The following TTI1 variants were observed in gnomAD, a reference collection of about 807,000 sequenced individuals.
The protein encoded by TTI1 is TELO2-interacting protein 1 homolog.
A neutral mutation model predicts 85.4 loss-of-function variants in TTI1; 52 were observed. The ratio of observed to expected loss-of-function variants is 0.61; its 90% CI spans 0.49 to 0.77. The LOEUF (loss-of-function observed/expected upper bound fraction) is 0.77, where lower values mean the gene tolerates loss of function less well. Ranked by LOEUF, TTI1 falls within the 30% of genes least tolerant of loss-of-function variation. The probability of loss-of-function intolerance (pLI) is 0.00; values close to 1 mark genes in which losing one functional copy is unlikely to be tolerated. For synonymous variants in TTI1, 512 were observed against 503.9 expected, an observed-to-expected ratio of 1.02 and a Z score of -0.22; for missense variants, 1,173 against 1,296.0, an observed-to-expected ratio of 0.91 and a Z score of 1.46.
chr20:38,022,537 C>G (rs968746972), intron 1 of TTI1, among the ~76,000 whole-genome samples: 3 of 152,134 alleles, frequency 2.0e-5, no homozygotes, highest in African/African-American at 7.2e-5. Flanking sequence ...CTGGTTCTGT[C>G]ATTTGTAGAG....
Position 38,013,181 on chromosome 20 carries a change from TC to T in TTI1, c.635del (p.Gly212GlufsTer6). On this transcript the variant is annotated frameshift_variant, in exon 2 of 8. Transcript: ENST00000373447. LOFTEE classifies it high-confidence loss of function. ...LGDLFASFLP[G>X]ISTALTRLIT... Reference sequence around the variant, plus strand: ...TAAGCCTGGTCAGTGCAGTTGAGATTCCAGGTAAAAAAGAGGCAAACAAATC... The same window carrying T: ...TAAGCCTGGTCAGTGCAGTTGAGATTCAGGTAAAAAAGAGGCAAACAAATC... 6.2e-7 allele frequency: 1 copy of T among 1,614,170 alleles called. No individual in the cohort carries two copies. Among genetic ancestry groups the T allele is most frequent in the Non-Finnish European group, 8.5e-7 (1 of 1,180,040 alleles).
intron 1 of TTI1, among the ~76,000 whole-genome samples, chr20:38,031,747 A>C (rs546303583): frequency 6.6e-6 from 1 of 152,356 alleles, no homozygotes; most frequent in African/African-American, 2.4e-5. Context: ...ATTTGGGATC[A>C]GACATAAGAT....
chr20:38,011,404 A>T, intron 2 of TTI1, 111 bp downstream of exon 2: 1 of 1,239,194 alleles, frequency 8.1e-7, no homozygotes, highest in Non-Finnish European at 1.1e-6. Context: ...GAAAATGATT[A>T]AAACGTCCTC....
chr20:37,985,134 C>A (rs765999528), intron 7 of TTI1, among the ~76,000 whole-genome samples: 3 of 152,192 alleles, frequency 2.0e-5, no homozygotes, highest in Non-Finnish European at 2.9e-5. Flanking sequence ...TTCAGCTTGC[C>A]CTGTTTCAGT....
chr20:38,026,878 G>C (rs567529049), intron 1 of TTI1, among the ~76,000 whole-genome samples: 147 of 152,302 alleles, frequency 9.7e-4, no homozygotes, highest in Middle Eastern at 3.4e-3. Flanking sequence ...AAATGTTTAA[G>C]ACATTTATAT....
At position 37,983,434 on chromosome 20, in the gene TTI1, CCT is replaced by C; in HGVS notation, c.*20_*21del. 1 of 1,605,232 alleles carries C rather than the reference CCT, an allele frequency of 6.2e-7. No homozygotes were observed. Among genetic ancestry groups the C allele is most frequent in the Non-Finnish European group, 8.5e-7 (1 of 1,177,738 alleles). On this transcript the variant is annotated 3_prime_UTR_variant, in exon 8 of 8. Coordinates refer to ENST00000373447, the MANE Select transcript of TTI1 (RefSeq NM_001303457.2). ...CTGGCAGTAGGGGAGGGATCGGTGG[CCT>C]CTGTGGTGGGGGAGCAGGGTCACTG...
chr20:37,997,423 C>T lies in TTI1; in HGVS notation c.2794-470G>A, dbSNP rs73096488. ...GGCATCAGGAGGTTAGTGACTGGGC[C>T]GAGGTCCCTGGGCTGAACCAAGGCA... On this transcript the variant is annotated intron_variant, in intron 5 of 7. Transcript: ENST00000373447. Among the ~76,000 whole-genome samples the T allele has an allele frequency of 9.0e-3, 1,370 of 152,276 alleles. 8 individuals carry two copies. The highest frequency in any genetic ancestry group is 0.015 in the African/African-American group (615 of 41,544).
At chr20:38,015,841 G>T (rs767401130) in intron 1 of TTI1, among the ~76,000 whole-genome samples, 85 of 152,318 alleles carry the variant, frequency 5.6e-4, no homozygotes, top group Non-Finnish European at 9.8e-4. Context: ...GACGCAAACT[G>T]TGAGACTTGG....
At chr20:38,032,586 GTGTTT>G (rs1183729635) in intron 1 of TTI1, among the ~76,000 whole-genome samples, 1 of 152,186 alleles carries the variant, frequency 6.6e-6, no homozygotes, top group Non-Finnish European at 1.5e-5. Context: ...GTCTCAGATA[GTGTTT>G]TGTTTTGTTT....
chr20:37,987,704 CA>C (rs1278118043), intron 7 of TTI1, among the ~76,000 whole-genome samples: 1 of 152,214 alleles, frequency 6.6e-6, no homozygotes, highest in Admixed American at 6.5e-5. Flanking sequence ...CGCTGTTAGG[CA>C]GTTTCTAAGC....
chr20:37,986,974 T>C (rs2073198344), intron 7 of TTI1: 1 of 351,790 alleles, frequency 2.8e-6, no homozygotes, highest in African/African-American at 2.1e-5. Flanking sequence ...AAATGCAATA[T>C]ACTTTGTCCT....
chr20:38,025,586 A>G (rs375847228), intron 1 of TTI1, among the ~76,000 whole-genome samples: 1 of 152,056 alleles, frequency 6.6e-6, no homozygotes, highest in African/African-American at 2.4e-5. Context: ...AAAAAGAAAA[A>G]GAAAAAAAGA....
At chr20:38,029,236 A>T (rs1254820716) in intron 1 of TTI1, among the ~76,000 whole-genome samples, 1 of 152,154 alleles carries the variant, frequency 6.6e-6, no homozygotes, top group East Asian at 1.9e-4. Flanking sequence ...CCTTAAGGGA[A>T]ATTAGAAAAA....
At position 38,013,233 on chromosome 20, in the gene TTI1, T is replaced by G; in HGVS notation, c.584A>C (p.Asp195Ala). 1.2e-6 allele frequency: 2 copies of G among 1,614,032 alleles called. No individual in the cohort carries two copies. The highest frequency in any genetic ancestry group is 2.2e-5 in the East Asian group (1 of 44,876). The change falls in exon 2 of 8, where the codon GAT (aspartate) becomes GCT (alanine). Residue 195 changes from aspartate to alanine, a missense_variant. Asp to Ala is a moderately radical substitution (Grantham distance 126). Transcript: ENST00000373447. ...CDCQDHPRSL[D>A]ELEQKQLGDL... ...CCCCAGCTGCTTTTGTTCAAGTTCA[T>G]CCAATGACCTTGGATGGTCCTGACA...
rs2073595427 is a variant in TTI1, at chr20:38,011,811, T to C, written c.2006A>G (p.Gln669Arg). 3.1e-6 allele frequency: 5 copies of C among 1,614,244 alleles called. No individual in the cohort carries two copies. Among genetic ancestry groups the C allele is most frequent in the East Asian group, 2.2e-5 (1 of 44,894 alleles). Residue 669 changes from glutamine (Q) to arginine (R), a missense_variant, in exon 2 of 8, where the codon CAG becomes CGG. Gln to Arg is a conservative substitution (Grantham distance 43). Coordinates refer to ENST00000373447, the MANE Select transcript of TTI1 (RefSeq NM_001303457.2). Reference protein sequence around the residue: ...KAGDQTLLISQVATSTMMDVC... With the variant: ...KAGDQTLLISRVATSTMMDVC... Reference sequence around the variant, plus strand: ...GTCCATCATGGTGCTGGTAGCCACCTGACTAATGAGTAGGGTTTGGTCTCC... The same window carrying C: ...GTCCATCATGGTGCTGGTAGCCACCCGACTAATGAGTAGGGTTTGGTCTCC...
Position 37,983,242 on chromosome 20 carries a change from T to G in TTI1, c.*214A>C. 1.9e-6 allele frequency: 1 copy of G among 527,630 alleles called. No individual in the cohort carries two copies. The highest frequency in any genetic ancestry group is 3.3e-6 in the Non-Finnish European group (1 of 301,182). The allele number at this position is 527,630 out of a possible 1,614,324, so 32.7% of individuals were successfully genotyped here. ...CTTAGAGCCACCAGACAATGTCACT[T>G]GACAACACAAGGTATGAAACATAAA... On this transcript the variant is annotated 3_prime_UTR_variant, in exon 8 of 8. Transcript: ENST00000373447.
At chr20:37,989,183 C>T (rs1357175923) in intron 7 of TTI1, among the ~76,000 whole-genome samples, 2 of 152,158 alleles carry the variant, frequency 1.3e-5, no homozygotes, top group Non-Finnish European at 2.9e-5. Context: ...CAAATAAATA[C>T]TACCAATTAC....
chr20:38,013,004 C>T lies in TTI1; in HGVS notation c.813G>A (p.Leu271=). ...CCCAATCTGCTTCCCTGTAAACCAT[C>T]AGCTCTGCTACTCTGTGCTCAACTG... ...KPAVEHRVAE[L]MVYREADWVK... Residue 271 remains leucine, a synonymous_variant, in exon 2 of 8, where the codon CTG becomes CTA. Transcript: ENST00000373447. 2.5e-6 allele frequency: 4 copies of T among 1,614,014 alleles called. No homozygotes were observed. The highest frequency in any genetic ancestry group is 3.4e-6 in the Non-Finnish European group (4 of 1,180,034).
At chr20:38,015,368 C>T (rs574637404) in intron 1 of TTI1, among the ~76,000 whole-genome samples, 7 of 152,136 alleles carry the variant, frequency 4.6e-5, no homozygotes, top group Admixed American at 1.3e-4. Context: ...TTGACTCTTC[C>T]CTATCTCAGG....
Sources: allele counts gnomAD v4.1 joint callset (sites outside exome capture counted in the v4.1 genomes callset), GRCh38; gene constraint gnomAD v4.1.1; transcripts MANE v1.5; gene names NCBI Gene and HGNC (gene_info 2026-07-23, HGNC 2026-07-21).